Variants in DISC1 observed in about 807,000 individuals in gnomAD.
The protein encoded by DISC1 is DISC1 scaffold protein.
A neutral mutation model predicts 84.5 loss-of-function variants in DISC1; 57 were observed. The ratio of observed to expected loss-of-function variants is 0.67; its 90% confidence interval spans 0.55 to 0.84. The LOEUF is 0.84. Among genes scored for constraint, DISC1 ranks in the 40% least tolerant of loss-of-function variants. The probability of loss-of-function intolerance (pLI) is 0.00; values close to 1 mark genes in which losing one functional copy is unlikely to be tolerated. For missense variants in DISC1, 1,000 were observed against 1,057.8 expected (o/e 0.95, Z 0.76); for synonymous variants, 411 against 415.2 (o/e 0.99, Z 0.12).
intron 12 of DISC1, 104 bp from the exon 13 acceptor site, chr1:232,036,588 G>A: frequency 9.0e-7 from 1 of 1,111,318 alleles, no homozygotes; most frequent in South Asian, 3.5e-5. Flanking sequence ...GCAATTAGGT[G>A]TCAGTACCCA....
At chr1:231,858,574 T>C (rs914966344) in intron 9 of DISC1, among the ~76,000 whole-genome samples, 3 of 152,214 alleles carry the variant, frequency 2.0e-5, no homozygotes, top group Non-Finnish European at 2.9e-5. Context: ...TTTCTCAACC[T>C]TCTTATTTAC....
chr1:231,780,104 C>T lies in DISC1; in HGVS notation c.1634+9034C>T, dbSNP rs1037316161. Among the ~76,000 whole-genome samples the T allele has an allele frequency of 2.8e-4, 43 of 151,354 alleles. No individual in the cohort carries two copies. In the East Asian group the frequency reaches 4.7e-3, roughly 16 times the overall value. ...GACTGTTGTGGGCTGGGGGGAGGGG[C>T]GAGGGATAGCATTGGGAGATATACC... On this transcript the variant is annotated intron_variant, in intron 6 of 12. Coordinates refer to ENST00000439617, the MANE Select transcript of DISC1 (RefSeq NM_018662.3).
intron 3 of DISC1, among the ~76,000 whole-genome samples, chr1:231,736,869 T>G (rs913878247): frequency 6.6e-6 from 1 of 152,240 alleles, no homozygotes; most frequent in Non-Finnish European, 1.5e-5. Context: ...ACACTATATA[T>G]TTTGTCATCC....
chr1:231,854,927 A>T (rs781418016), intron 9 of DISC1: 1 of 614,372 alleles, frequency 1.6e-6, no homozygotes, highest in South Asian at 1.7e-5. Context: ...TGTTGACCAG[A>T]CTGGTCTAAA....
chr1:231,730,823 T>G (rs2071420391), intron 3 of DISC1, among the ~76,000 whole-genome samples: 1 of 152,246 alleles, frequency 6.6e-6, no homozygotes, highest in Admixed American at 6.5e-5. Flanking sequence ...CTAAGTGAGT[T>G]AGTCCTAGCC....
intron 1 of DISC1, among the ~76,000 whole-genome samples, chr1:231,689,183 A>G (rs1279468803): frequency 6.6e-6 from 1 of 152,184 alleles, no homozygotes. Context: ...TTTATATGCA[A>G]GTCATGTTTT....
At position 231,954,683 on chromosome 1, in the gene DISC1, T is replaced by G. The variant is rs1659107448; in HGVS notation, c.1982-4145T>G. Among the ~76,000 whole-genome samples, 1 of 151,940 alleles carries G rather than the reference T, an allele frequency of 6.6e-6. No homozygotes were observed. The highest frequency in any genetic ancestry group is 2.4e-5 in the African/African-American group (1 of 41,334). On this transcript the variant is annotated intron_variant, in intron 9 of 12. Coordinates refer to ENST00000439617, the MANE Select transcript of DISC1 (RefSeq NM_018662.3). The surrounding 1 kb of genome is among the most constrained non-coding windows in gnomAD (Gnocchi z 4.8). ...CCCTGCTCTACTGGACCTAAAATGG[T>G]AGGGAAGAAAGGAAGAGGAGGGGAG...
At chr1:231,795,408 T>C in intron 7 of DISC1, 112 bp downstream of exon 7, 1 of 941,228 alleles carries the variant, frequency 1.1e-6, no homozygotes, top group Non-Finnish European at 1.6e-6. Flanking sequence ...GATGTAGACT[T>C]TGTCAAGCCA....
intron 1 of DISC1, among the ~76,000 whole-genome samples, chr1:231,661,578 T>C (rs749282882): frequency 5.3e-5 from 8 of 152,252 alleles, no homozygotes; most frequent in Non-Finnish European, 1.2e-4. Flanking sequence ...TCGTGTTGTG[T>C]GTTTTCAGCT....
chr1:231,866,632 G>T, intron 9 of DISC1: 1 of 1,578,146 alleles, frequency 6.3e-7, no homozygotes, highest in South Asian at 1.2e-5. Flanking sequence ...TCTGACTTCA[G>T]CCCCCAGCGC....
At chr1:231,856,719 T>C (rs2084297901) in intron 9 of DISC1, among the ~76,000 whole-genome samples, 1 of 152,208 alleles carries the variant, frequency 6.6e-6, no homozygotes, top group African/African-American at 2.4e-5. Flanking sequence ...TTCCTTCATA[T>C]CCTCTTGAAG....
intron 9 of DISC1, among the ~76,000 whole-genome samples, chr1:231,842,305 C>T (rs951623348): frequency 1.3e-5 from 2 of 152,200 alleles, no homozygotes; most frequent in African/African-American, 4.8e-5. Flanking sequence ...GCCATTGCGC[C>T]CAGCCTTTTC....
rs559404028 is a variant in DISC1 at position 231,833,096 on chromosome 1, A to T, written c.1981+14579A>T. 9.9e-3 allele frequency among the ~76,000 whole-genome samples: 1,479 copies of T among 149,854 alleles called. 66 individuals carry two copies. Among genetic ancestry groups the T allele is most frequent in the African/African-American group, 0.035 (1,387 of 39,904 alleles). On this transcript the variant is annotated intron_variant, in intron 9 of 12. Transcript: ENST00000439617. ...GAGGAGGACGCAAAGGAGGCTTTGG[A>T]TTGGGAAGAAGGGCGGCAATGAGAT...
At chr1:231,977,712 A>C (rs1026644812) in intron 10 of DISC1, among the ~76,000 whole-genome samples, 7 of 152,228 alleles carry the variant, frequency 4.6e-5, no homozygotes, top group Non-Finnish European at 8.8e-5. Context: ...GCACCCTAGC[A>C]CCAACAGGAA....
rs925115017 is a variant in DISC1 at position 231,698,507 on chromosome 1, C to T, written c.1048-3448C>T. Among the ~76,000 whole-genome samples the T allele has an allele frequency of 1.3e-5, 2 of 152,198 alleles. No homozygotes were observed. The highest frequency in any genetic ancestry group is 1.9e-4 in the East Asian group (1 of 5,176). ...ACTCTGCCTGTAGAGTATTATAGGACGTTCCACAGGCAGGGTTGTGGCACA... is the reference window on the plus strand; with the variant it reads ...ACTCTGCCTGTAGAGTATTATAGGATGTTCCACAGGCAGGGTTGTGGCACA... On this transcript the variant is annotated intron_variant, in intron 2 of 12. Transcript: ENST00000439617. The surrounding 1 kb of genome is among the most constrained non-coding windows in gnomAD (Gnocchi z 4.9).
At chr1:231,854,891 TTCTTAG>T in intron 9 of DISC1, 1 of 477,872 alleles carries the variant, frequency 2.1e-6, no homozygotes, top group East Asian at 7.9e-5. Flanking sequence ...TAATTTTGTA[TTCTTAG>T]TAGAGATGGG....
chr1:231,628,360 G>T (rs1412183756), intron 1 of DISC1, among the ~76,000 whole-genome samples: 1 of 152,222 alleles, frequency 6.6e-6, no homozygotes, highest in Non-Finnish European at 1.5e-5. Flanking sequence ...ATTGCCTGAG[G>T]ATTAAATGAG....
At chr1:231,638,226 T>C (rs866859199) in intron 1 of DISC1, among the ~76,000 whole-genome samples, 1 of 152,346 alleles carries the variant, frequency 6.6e-6, no homozygotes, top group Middle Eastern at 3.4e-3. Context: ...TTGCATATTC[T>C]GGATATTGTT....
At chr1:231,915,683 C>G (rs2089571943) in intron 9 of DISC1, among the ~76,000 whole-genome samples, 1 of 152,154 alleles carries the variant, frequency 6.6e-6, no homozygotes, top group Admixed American at 6.5e-5. Context: ...GAGGCTGAGG[C>G]AGGAGAATCG....
Sources: gnomAD v4.1 joint callset for allele counts (sites outside exome capture counted in the v4.1 genomes callset) on GRCh38, gnomAD v4.1.1 for gene constraint, Gnocchi (gnomAD v3.1) non-coding constraint, MANE v1.5 for transcripts, NCBI Gene and HGNC (gene_info 2026-07-23, HGNC 2026-07-21) for gene names.